Variants in SCYL3 observed in about 807,000 individuals in gnomAD.
The protein encoded by SCYL3 is protein-associating with the carboxyl-terminal domain of ezrin.
Under a neutral mutation model 73.8 loss-of-function variants are expected in SCYL3, and 35 were observed. That is an observed-to-expected ratio of 0.47 (90% CI 0.36 to 0.63). The LOEUF is 0.63. Ranked by LOEUF, SCYL3 falls within the 20% of genes least tolerant of loss-of-function variation. SCYL3 has a pLI of 0.00. For missense variants in SCYL3, 712 were observed against 798.9 expected, an observed-to-expected ratio of 0.89 and a Z score of 1.31; for synonymous variants, 277 against 295.2, an observed-to-expected ratio of 0.94 and a Z score of 0.63.
In SCYL3 at chr1:169,850,979, G is replaced by GTTT. The variant is rs1558102565; in HGVS notation, c.*2733_*2734insAAA. ...ATATTTTGGGTATAATTTAGGCATG[G>GTTT]CTTTTTTTTTTTTTTTTTTTTTTTT... On this transcript the variant is annotated 3_prime_UTR_variant, in exon 13 of 13. Transcript: ENST00000367771. 1 of 62,588 alleles carries GTTT rather than the reference G, an allele frequency of 1.6e-5. No individual in the cohort carries two copies. Among genetic ancestry groups the GTTT allele is most frequent in the Non-Finnish European group, 2.6e-5 (1 of 38,722 alleles). The allele number at this position is 62,588 out of a possible 1,614,324, so 3.9% of individuals were successfully genotyped here. A position where few individuals can be genotyped will look rare whatever the true frequency, so the allele number is the denominator to read the frequency against.
At chr1:169,857,818 T>G (rs1558118271) in intron 11 of SCYL3, among the ~76,000 whole-genome samples, 1 of 152,206 alleles carries the variant, frequency 6.6e-6, no homozygotes, top group Non-Finnish European at 1.5e-5. Context: ...TAAACATAGA[T>G]GGTATAGCCT....
intron 8 of SCYL3, 99 bp from the exon 9 acceptor site, chr1:169,864,607 A>G: frequency 4.2e-6 from 5 of 1,178,250 alleles, no homozygotes; most frequent in Non-Finnish European, 5.9e-6. Context: ...CACTTCTATC[A>G]AAGTGATGCA....
At chr1:169,865,805 T>C (rs1176601443) in intron 8 of SCYL3, among the ~76,000 whole-genome samples, 1 of 152,140 alleles carries the variant, frequency 6.6e-6, no homozygotes, top group Non-Finnish European at 1.5e-5. Flanking sequence ...CTTCGTGAAA[T>C]TCCCTACTCC....
intron 10 of SCYL3, 60 bp downstream of exon 10, chr1:169,862,551 CTT>C: frequency 1.2e-6 from 1 of 863,590 alleles, no homozygotes; most frequent in Admixed American, 2.4e-5. Flanking sequence ...CTCCAAAACT[CTT>C]TCTTTCAGCA....
At position 169,870,247 on chromosome 1, in the gene SCYL3, C is replaced by T. The variant is rs200659175; in HGVS notation, c.625+8G>A. ...TTCTATAGATGCAGTAGTATAACTC[C>T]AACTCACCCTGTTCATTTAAGATTG... On this transcript the variant is annotated splice_region_variant and intron_variant, in intron 6 of 12. Coordinates refer to ENST00000367771, the MANE Select transcript of SCYL3 (RefSeq NM_020423.7). 7 of 1,594,198 alleles carry T rather than the reference C, an allele frequency of 4.4e-6. No homozygotes were observed. Among genetic ancestry groups the T allele is most frequent in the Middle Eastern group, 1.7e-4 (1 of 6,046 alleles).
At chr1:169,873,845 A>G (rs1660606368) in intron 4 of SCYL3, 93 bp from the exon 5 acceptor site, 1 of 803,696 alleles carries the variant, frequency 1.2e-6, no homozygotes, top group Middle Eastern at 2.4e-4. Context: ...GAGCAATGCA[A>G]ACAGCACCAA....
chr1:169,876,781 G>C (rs763601213), intron 3 of SCYL3, among the ~76,000 whole-genome samples: 2 of 151,532 alleles, frequency 1.3e-5, no homozygotes, highest in African/African-American at 2.4e-5. Flanking sequence ...CGGTGAAACC[G>C]CGTCTCTACG....
At chr1:169,870,114 A>G in intron 6 of SCYL3, 141 bp downstream of exon 6, 1 of 568,746 alleles carries the variant, frequency 1.8e-6, no homozygotes, top group South Asian at 2.6e-5. Flanking sequence ...TGTTCTTAGT[A>G]TCTGCCCTAA....
chr1:169,893,190 A>G (rs932291603), intron 1 of SCYL3, among the ~76,000 whole-genome samples: 1 of 152,192 alleles, frequency 6.6e-6, no homozygotes, highest in Non-Finnish European at 1.5e-5. Flanking sequence ...AGAATTTCAC[A>G]TGGATTCCTG....
chr1:169,860,757 G>A (rs1659577593), intron 10 of SCYL3, among the ~76,000 whole-genome samples: 1 of 152,146 alleles, frequency 6.6e-6, no homozygotes, highest in African/African-American at 2.4e-5. Context: ...ATGAGAAACT[G>A]AGTACTACCC....
In SCYL3 at chr1:169,849,926, C is replaced by G; in HGVS notation, c.*3787G>C. 1 of 460,788 alleles carries G rather than the reference C, an allele frequency of 2.2e-6. No homozygotes were observed. Among genetic ancestry groups the G allele is most frequent in the East Asian group, 3.9e-5 (1 of 25,318 alleles). 28.5% of individuals were successfully genotyped at this position (460,788 alleles called of 1,614,324 possible). On this transcript the variant is annotated 3_prime_UTR_variant, in exon 13 of 13. Transcript: ENST00000367771. ...GATAATACATTTCATTTTGTGCTAT[C>G]AGTCATAAGGGTTAGGCTGATGAAC...
chr1:169,859,252 A>C, intron 10 of SCYL3, 40 bp from the exon 11 acceptor site: 1 of 1,562,298 alleles, frequency 6.4e-7, no homozygotes, highest in Non-Finnish European at 8.7e-7. Context: ...CAACCACAAT[A>C]CCTATCTCTT....
chr1:169,862,577 TTC>T, intron 10 of SCYL3, 34 bp downstream of exon 10: 1 of 1,609,666 alleles, frequency 6.2e-7, no homozygotes, highest in Non-Finnish European at 8.5e-7. Context: ...TTCCCTCAGG[TTC>T]TGTGACTACC....
intron 4 of SCYL3, among the ~76,000 whole-genome samples, chr1:169,874,627 C>T (rs1660664657): frequency 6.6e-6 from 1 of 152,120 alleles, no homozygotes; most frequent in Non-Finnish European, 1.5e-5. Flanking sequence ...GACTATAGCT[C>T]AAGAACTCTT....
Position 169,851,226 on chromosome 1 carries a change from C to A in SCYL3, c.*2487G>T, listed in dbSNP as rs1291819444. ...AAATACTAGTGGAACTGTTAAACCA[C>A]AAATTTAGACTACCAGGAGAAACTG... On this transcript the variant is annotated 3_prime_UTR_variant, in exon 13 of 13. Coordinates refer to ENST00000367771, the MANE Select transcript of SCYL3 (RefSeq NM_020423.7). 6.5e-6 allele frequency: 1 copy of A among 152,874 alleles called. No homozygotes were observed. Among genetic ancestry groups the A allele is most frequent in the Non-Finnish European group, 1.5e-5 (1 of 67,884 alleles). The allele number at this position is 152,874 out of a possible 1,614,324, so 9.5% of individuals were successfully genotyped here.
intron 2 of SCYL3, among the ~76,000 whole-genome samples, chr1:169,881,330 GGGA>G (rs1316648759): frequency 6.6e-6 from 1 of 151,896 alleles, no homozygotes; most frequent in Non-Finnish European, 1.5e-5. Flanking sequence ...CATATTTTGG[GGGA>G]GTACCTGTGA....
chr1:169,869,071 G>C (rs1415007025), intron 6 of SCYL3, 32 bp from the exon 7 acceptor site: 1 of 1,552,570 alleles, frequency 6.4e-7, no homozygotes, highest in East Asian at 2.3e-5. Flanking sequence ...AGTTTCCAAT[G>C]CCTTCTCCCT....
At chr1:169,866,103 T>C (rs1660016451) in intron 8 of SCYL3, among the ~76,000 whole-genome samples, 1 of 152,368 alleles carries the variant, frequency 6.6e-6, no homozygotes, top group Middle Eastern at 3.4e-3. Context: ...GTCCAACAGA[T>C]ACTTCAAACC....
At chr1:169,886,048 C>T (rs1053030642) in intron 2 of SCYL3, among the ~76,000 whole-genome samples, 1 of 152,198 alleles carries the variant, frequency 6.6e-6, no homozygotes, top group African/African-American at 2.4e-5. Context: ...TACGGTGGCT[C>T]ATGCCTGTAA....
Sources: gnomAD v4.1 joint callset for allele counts (sites outside exome capture counted in the v4.1 genomes callset) on GRCh38, gnomAD v4.1.1 for gene constraint, MANE v1.5 for transcripts, NCBI Gene and HGNC (gene_info 2026-07-23, HGNC 2026-07-21) for gene names.